UBE2E2: variants seen among roughly 807,000 people sequenced by gnomAD.
The protein encoded by UBE2E2 is ubiquitin-conjugating enzyme E2 E2.
Under a neutral mutation model 24.7 loss-of-function variants are expected in UBE2E2, and 6 were observed. The ratio of observed to expected loss-of-function variants is 0.24; its 90% CI spans 0.13 to 0.48. The LOEUF (loss-of-function observed/expected upper bound fraction) is 0.48, where lower values mean the gene tolerates loss of function less well. UBE2E2 is among the 20% of genes least tolerant of loss of function. UBE2E2 has a pLI of 0.99. For synonymous variants in UBE2E2, 104 were observed against 83.6 expected (o/e 1.24, Z -1.33); for missense variants, 169 against 245.0 (o/e 0.69, Z 2.07).
chr3:23,515,247 T>G (rs574766749), intron 4 of UBE2E2, among the ~76,000 whole-genome samples: 200 of 152,248 alleles, frequency 1.3e-3, no homozygotes, highest in Non-Finnish European at 2.6e-3. Flanking sequence ...GTCTGTTTAC[T>G]ATAGGTTTGA....
chr3:23,401,670 A>G (rs994997470), intron 3 of UBE2E2, among the ~76,000 whole-genome samples: 2 of 151,922 alleles, frequency 1.3e-5, no homozygotes, highest in Admixed American at 1.3e-4. Flanking sequence ...GAACTTCATT[A>G]TATATACATA....
At chr3:23,511,454 G>A (rs575369330) in intron 4 of UBE2E2, among the ~76,000 whole-genome samples, 10 of 152,346 alleles carry the variant, frequency 6.6e-5, no homozygotes, top group Admixed American at 6.5e-4. Context: ...ACCTGAGTGG[G>A]AAGTGCAGAA....
intron 3 of UBE2E2, among the ~76,000 whole-genome samples, chr3:23,328,336 G>A (rs1271312832): frequency 6.6e-6 from 1 of 152,108 alleles, no homozygotes; most frequent in Non-Finnish European, 1.5e-5. Context: ...TTGACTTTAT[G>A]ATGGTGCAAA....
rs954697300 is a variant in UBE2E2 at position 23,535,084 on chromosome 3, A to G, written c.508+2383A>G. On this transcript the variant is annotated intron_variant, in intron 5 of 5. Transcript: ENST00000396703. Reference sequence around the variant, plus strand: ...CCATCCTTATCAGCATGATATTTGTAGACAGCAGATGTAGATTTGAAAACC... The same window carrying G: ...CCATCCTTATCAGCATGATATTTGTGGACAGCAGATGTAGATTTGAAAACC... Among the ~76,000 whole-genome samples, 4 of 152,228 alleles carry G rather than the reference A, an allele frequency of 2.6e-5. No individual in the cohort carries two copies. In the South Asian group the frequency reaches 6.2e-4, roughly 24 times the overall value.
intron 3 of UBE2E2, among the ~76,000 whole-genome samples, chr3:23,319,702 C>G (rs1330551353): frequency 7.0e-6 from 1 of 142,666 alleles, no homozygotes; most frequent in Non-Finnish European, 1.6e-5. Flanking sequence ...ATAGTCCTAG[C>G]TACTTTTGAG....
chr3:23,426,501 G>C (rs2125396280), intron 3 of UBE2E2, among the ~76,000 whole-genome samples: 1 of 151,628 alleles, frequency 6.6e-6, no homozygotes, highest in African/African-American at 2.4e-5. Context: ...AATGAAGCCT[G>C]ATGGGGTGTG....
At chr3:23,504,039 G>T (rs1269453822) in intron 4 of UBE2E2, among the ~76,000 whole-genome samples, 4 of 152,148 alleles carry the variant, frequency 2.6e-5, no homozygotes, top group Non-Finnish European at 4.4e-5. Flanking sequence ...CCCCCAAACT[G>T]ATTATTCATG....
intron 3 of UBE2E2, among the ~76,000 whole-genome samples, chr3:23,406,020 A>G (rs1697348145): frequency 6.6e-6 from 1 of 152,216 alleles, no homozygotes; most frequent in African/African-American, 2.4e-5. Context: ...AGATCTTCTC[A>G]GTTGTGAAGA....
At chr3:23,581,666 A>G (rs1014910688) in intron 5 of UBE2E2, among the ~76,000 whole-genome samples, 3 of 152,164 alleles carry the variant, frequency 2.0e-5, no homozygotes, top group African/African-American at 4.8e-5. Context: ...TCTGGATCCA[A>G]TGCCCATGCC....
intron 3 of UBE2E2, among the ~76,000 whole-genome samples, chr3:23,240,369 G>T (rs1270506456): frequency 6.6e-6 from 1 of 152,142 alleles, no homozygotes; most frequent in African/African-American, 2.4e-5. Context: ...GTGGTAAATT[G>T]TTCAAACACT....
At chr3:23,374,832 C>T (rs1254610391) in intron 3 of UBE2E2, among the ~76,000 whole-genome samples, 1 of 152,024 alleles carries the variant, frequency 6.6e-6, no homozygotes, top group East Asian at 1.9e-4. Context: ...GAGATAGGGC[C>T]TGTGTTGCCC....
chr3:23,257,401 T>A (rs1297296473), intron 3 of UBE2E2, among the ~76,000 whole-genome samples: 1 of 151,648 alleles, frequency 6.6e-6, no homozygotes, highest in African/African-American at 2.4e-5. Context: ...AAGGGCCAAT[T>A]TCATAAGTGG....
At position 23,407,683 on chromosome 3, in the gene UBE2E2, G is replaced by A. The variant is rs971324603; in HGVS notation, c.228-91925G>A. Among the ~76,000 whole-genome samples the A allele has an allele frequency of 2.8e-5, 4 of 144,300 alleles. No homozygotes were observed. The East Asian group carries it at 8.3e-4, about 30-fold the overall frequency. The allele number at this position is 144,300 out of a possible 152,430, so 94.7% of individuals were successfully genotyped here. A position where few individuals can be genotyped will look rare whatever the true frequency, so the allele number is the denominator to read the frequency against. On this transcript the variant is annotated intron_variant, in intron 3 of 5. Coordinates refer to ENST00000396703, the MANE Select transcript of UBE2E2 (RefSeq NM_152653.4). This position sits in a 1 kb window ranked among gnomAD's most constrained non-coding sequence, Gnocchi z 4.0. Reference sequence around the variant, plus strand: ...TGTGTGTGTGTGTGTGTGTGTGTGTGTGTGTGTAGTATTTCAGAGAAAATC... The same window carrying A: ...TGTGTGTGTGTGTGTGTGTGTGTGTATGTGTGTAGTATTTCAGAGAAAATC...
intron 3 of UBE2E2, among the ~76,000 whole-genome samples, chr3:23,332,681 G>C (rs1419043056): frequency 2.0e-5 from 1 of 50,906 alleles, no homozygotes; most frequent in African/African-American, 5.0e-5. Context: ...TGGGGTGTGT[G>C]TGTGTGTGTG....
intron 3 of UBE2E2, among the ~76,000 whole-genome samples, chr3:23,228,737 A>T (rs983891721): frequency 2.0e-5 from 3 of 152,188 alleles, no homozygotes; most frequent in African/African-American, 7.2e-5. Flanking sequence ...GGACCTAATG[A>T]GATGCCTTTA....
intron 4 of UBE2E2, among the ~76,000 whole-genome samples, chr3:23,516,332 T>G (rs1694740523): frequency 1.3e-5 from 2 of 152,208 alleles, no homozygotes; most frequent in African/African-American, 4.8e-5. Context: ...GTGAGATTAC[T>G]TCAGTGAAAC....
chr3:23,398,777 G>A (rs1247634825), intron 3 of UBE2E2, among the ~76,000 whole-genome samples: 1 of 152,062 alleles, frequency 6.6e-6, no homozygotes, highest in Non-Finnish European at 1.5e-5. Flanking sequence ...TTCACATGGG[G>A]GATGCATCTT....
At chr3:23,223,194 A>ATT (rs35538160) in intron 3 of UBE2E2, among the ~76,000 whole-genome samples, 40 of 122,820 alleles carry the variant, frequency 3.3e-4, no homozygotes, top group East Asian at 1.2e-3. Flanking sequence ...TGATTTTTGT[A>ATT]TTTTTTTTTT....
intron 3 of UBE2E2, among the ~76,000 whole-genome samples, chr3:23,400,436 C>T (rs979636068): frequency 6.6e-6 from 1 of 152,122 alleles, no homozygotes; most frequent in African/African-American, 2.4e-5. Flanking sequence ...TCCTGAGTAG[C>T]TGGGACTACA....
Sources: allele counts gnomAD v4.1 joint callset (sites outside exome capture counted in the v4.1 genomes callset), GRCh38; gene constraint gnomAD v4.1.1; non-coding constraint Gnocchi (gnomAD v3.1); transcripts MANE v1.5; gene names NCBI Gene and HGNC (gene_info 2026-07-23, HGNC 2026-07-21).